The following DZIP1 variants were observed in gnomAD, a reference collection of about 807,000 sequenced individuals.
DZIP1 encodes the protein DAZ interacting zinc finger protein 1.
DZIP1 carries 97 observed loss-of-function variants against 107.6 expected under a neutral mutation model. The observed-to-expected ratio is 0.90, with a 90% CI of 0.77 to 1.07. The LOEUF (loss-of-function observed/expected upper bound fraction) is 1.07, where lower values mean the gene tolerates loss of function less well. DZIP1 is among the 50% of genes least tolerant of loss of function. The pLI, the probability that DZIP1 is intolerant of heterozygous loss-of-function variation, is 0.00. For missense variants in DZIP1, 1,035 were observed against 1,063.6 expected, an observed-to-expected ratio of 0.97 and a Z score of 0.37; for synonymous variants, 390 against 386.4, an observed-to-expected ratio of 1.01 and a Z score of -0.11.
At chr13:95,637,764 C>T (rs193114193) in intron 5 of DZIP1, among the ~76,000 whole-genome samples, 32 of 152,238 alleles carry the variant, frequency 2.1e-4, no homozygotes, top group Non-Finnish European at 2.4e-4. Flanking sequence ...AACTTCCAGC[C>T]TCCAGAACTG....
In DZIP1 at chr13:95,641,740, G is replaced by C. The variant is rs905268510; in HGVS notation, c.152C>G (p.Ala51Gly). 41 of 1,592,364 alleles carry C rather than the reference G, an allele frequency of 2.6e-5. No individual in the cohort carries two copies. The highest frequency in any genetic ancestry group is 3.4e-5 in the Non-Finnish European group (40 of 1,175,126). ...ASMACAPPSA[A>G]SGPLPFFQFR... is the part of the protein sequence containing the mutation. ...CTGGAAGAAGGGCAGGGGCCCCGAA[G>C]CCGCGCTGGGGGGCGCACAGGCCAT... Residue 51 changes from alanine to glycine, a missense_variant, in exon 5 of 23, where the codon GCT (alanine) becomes GGT (glycine). By Grantham distance (60) the Ala-to-Gly change is moderately conservative. Coordinates refer to ENST00000376829, the MANE Select transcript of DZIP1 (RefSeq NM_198968.4). This position sits in a 1 kb window ranked among gnomAD's most constrained non-coding sequence, Gnocchi z 4.3.
intron 9 of DZIP1, among the ~76,000 whole-genome samples, chr13:95,621,334 C>A (rs1181228175): frequency 2.0e-5 from 3 of 152,126 alleles, no homozygotes; most frequent in African/African-American, 7.2e-5. Context: ...ATCCGAAGGA[C>A]CCTGCGTGCT....
intron 13 of DZIP1, among the ~76,000 whole-genome samples, chr13:95,609,242 C>G (rs539930425): frequency 3.3e-4 from 51 of 152,306 alleles, no homozygotes; most frequent in Admixed American, 1.0e-3. Context: ...GAAATAATAG[C>G]TATAGCTAAT....
At chr13:95,627,719 G>A (rs140218529) in intron 7 of DZIP1, among the ~76,000 whole-genome samples, 1 of 152,340 alleles carries the variant, frequency 6.6e-6, no homozygotes, top group South Asian at 2.1e-4. Flanking sequence ...GTGGAAGACA[G>A]TTTGGTGGTT....
In DZIP1 at chr13:95,613,525, G is replaced by C. The variant is rs118139513; in HGVS notation, c.1174-1348C>G. ...AGATTCCGTCTCAAAAAAAAAAAAG[G>C]CTTCATAATTGGGGTGAAGAACATT... On this transcript the variant is annotated intron_variant, in intron 10 of 22. Coordinates refer to ENST00000376829, the MANE Select transcript of DZIP1 (RefSeq NM_198968.4). 9.4e-3 allele frequency among the ~76,000 whole-genome samples: 1,420 copies of C among 150,538 alleles called. 23 individuals carry two copies. Among genetic ancestry groups the C allele is most frequent in the African/African-American group, 0.033 (1,330 of 40,732 alleles).
chr13:95,640,894 T>C (rs1483300773), intron 5 of DZIP1, among the ~76,000 whole-genome samples: 1 of 152,182 alleles, frequency 6.6e-6, no homozygotes, highest in Admixed American at 6.5e-5. Context: ...TTTCTGTCAG[T>C]TTGAAAGTAT....
At chr13:95,628,202 T>C (rs953891160) in intron 7 of DZIP1, among the ~76,000 whole-genome samples, 2 of 152,024 alleles carry the variant, frequency 1.3e-5, no homozygotes, top group East Asian at 1.9e-4. Context: ...GCCACCACAC[T>C]TAGCTAATTT....
chr13:95,583,284 A>C lies in DZIP1; in HGVS notation c.2525-971T>G, dbSNP rs545518273. Among the ~76,000 whole-genome samples, 25 of 152,002 alleles carry C rather than the reference A, an allele frequency of 1.6e-4. No individual in the cohort carries two copies. The East Asian group carries it at 4.1e-3, about 25-fold the overall frequency. ...TCTTAAAAAAAAAAAAAAAGTAATA[A>C]AATTATAAGTAGGAGTACAAAAACA... On this transcript the variant is annotated intron_variant, in intron 22 of 22. Coordinates refer to ENST00000376829, the MANE Select transcript of DZIP1 (RefSeq NM_198968.4).
At position 95,612,031 on chromosome 13, in the gene DZIP1, A is replaced by T. The variant is rs1486004656; in HGVS notation, c.1314+6T>A. ...AAGCACGGTGCCACACTGCCGCCAG[A>T]CATACCTGCTGTCTCTGAGTTATAA... On this transcript the variant is annotated splice_donor_region_variant and intron_variant, in intron 11 of 22. Coordinates refer to ENST00000376829, the MANE Select transcript of DZIP1 (RefSeq NM_198968.4). 6.2e-7 allele frequency: 1 copy of T among 1,612,838 alleles called. No individual in the cohort carries two copies. Among genetic ancestry groups the T allele is most frequent in the Non-Finnish European group, 8.5e-7 (1 of 1,179,834 alleles).
intron 5 of DZIP1, among the ~76,000 whole-genome samples, chr13:95,637,604 ATCTCTC>A (rs10539901): frequency 0.032 from 4,572 of 145,120 alleles, 168 homozygotes; most frequent in African/African-American, 0.085. Context: ...GACATTAGCG[ATCTCTC>A]TCTCTCTCTC....
rs1261325735 is a variant in DZIP1 at position 95,624,044 on chromosome 13, G to A, written c.972+724C>T. ...TCATGGGCCATTCGCCAAATCTCAC[G>A]CTAGAGTTTAAAGAGTTTTAGGAAA... On this transcript the variant is annotated intron_variant, in intron 8 of 22. Transcript: ENST00000376829. Among the ~76,000 whole-genome samples the A allele has an allele frequency of 2.6e-5, 4 of 152,156 alleles. No homozygotes were observed. The South Asian group carries it at 6.2e-4, about 24-fold the overall frequency.
In DZIP1 at chr13:95,610,111, T is replaced by TGTGTGAGAGAGAGAGA. The variant is rs368276400; in HGVS notation, c.1364-599_1364-598insTCTCTCTCTCTCACAC. Among the ~76,000 whole-genome samples, 81 of 126,756 alleles carry TGTGTGAGAGAGAGAGA rather than the reference T, an allele frequency of 6.4e-4. 1 individual carries two copies. Among genetic ancestry groups the TGTGTGAGAGAGAGAGA allele is most frequent in the African/African-American group, 2.1e-3 (71 of 34,282 alleles). 83.2% of individuals were successfully genotyped at this position (126,756 alleles called of 152,430 possible). On this transcript the variant is annotated intron_variant, in intron 12 of 22. Coordinates refer to ENST00000376829, the MANE Select transcript of DZIP1 (RefSeq NM_198968.4). Reference sequence around the variant, plus strand: ...GTGTGTGTGTGTGTGTGTGTGTGTGTGAGAGAGAGACAGAGAGAGAGAGAC... The same window carrying TGTGTGAGAGAGAGAGA: ...GTGTGTGTGTGTGTGTGTGTGTGTGTGTGTGAGAGAGAGAGAGAGAGAGAGACAGAGAGAGAGAGAC...
At chr13:95,587,467 G>A (rs1290793686) in intron 20 of DZIP1, 72 bp downstream of exon 20, 4 of 1,555,964 alleles carry the variant, frequency 2.6e-6, no homozygotes, top group Non-Finnish European at 1.7e-6. Flanking sequence ...GACTCCCAGT[G>A]CTCGGTACAC....
chr13:95,595,775 C>T (rs1186819992), intron 15 of DZIP1, among the ~76,000 whole-genome samples: 1 of 152,094 alleles, frequency 6.6e-6, no homozygotes, highest in African/African-American at 2.4e-5. Flanking sequence ...TAATGAAGGA[C>T]GTACACAGAA....
In DZIP1 at chr13:95,615,648, G is replaced by A. The variant is rs114200408; in HGVS notation, c.1174-3471C>T. On this transcript the variant is annotated intron_variant, in intron 10 of 22. Transcript: ENST00000376829. Reference sequence around the variant, plus strand: ...AGAGCATCCAAAGAAAAGATCCTGCGTCCTTACAGAAAAGCAACCACTTGA... The same window carrying A: ...AGAGCATCCAAAGAAAAGATCCTGCATCCTTACAGAAAAGCAACCACTTGA... 8.2e-3 allele frequency among the ~76,000 whole-genome samples: 1,252 copies of A among 152,308 alleles called. 17 individuals carry two copies. Among genetic ancestry groups the A allele is most frequent in the African/African-American group, 0.028 (1,176 of 41,564 alleles).
At position 95,608,802 on chromosome 13, in the gene DZIP1, G is replaced by T. The variant is rs79306007; in HGVS notation, c.1420+655C>A. ...TACACAGTGCTCTCGCAATCCCTGGGCCCATGAGCGTGGTGCTGTCTCTCT... is the reference window on the plus strand; with the variant it reads ...TACACAGTGCTCTCGCAATCCCTGGTCCCATGAGCGTGGTGCTGTCTCTCT... On this transcript the variant is annotated intron_variant, in intron 13 of 22. Transcript: ENST00000376829. Among the ~76,000 whole-genome samples, 547 of 152,222 alleles carry T rather than the reference G, an allele frequency of 3.6e-3. 2 individuals are homozygous for T. Among genetic ancestry groups the T allele is most frequent in the African/African-American group, 0.013 (523 of 41,522 alleles).
chr13:95,597,214 G>A (rs2044480439), intron 15 of DZIP1, among the ~76,000 whole-genome samples: 1 of 152,162 alleles, frequency 6.6e-6, no homozygotes, highest in African/African-American at 2.4e-5. Flanking sequence ...GACCACTCTG[G>A]GTGATGGTGG....
chr13:95,614,566 G>A (rs920110785), intron 10 of DZIP1, among the ~76,000 whole-genome samples: 17 of 152,216 alleles, frequency 1.1e-4, no homozygotes, highest in Non-Finnish European at 8.8e-5. Flanking sequence ...AGAAAGGCAC[G>A]GAAAAGAGTA....
chr13:95,639,606 A>AAAG (rs1555316231), intron 5 of DZIP1, among the ~76,000 whole-genome samples: 7 of 149,116 alleles, frequency 4.7e-5, no homozygotes, highest in Non-Finnish European at 8.9e-5. Context: ...AAAAAAAAAA[A>AAAG]AGAGAGAGAG....
Sources: allele counts gnomAD v4.1 joint callset (sites outside exome capture counted in the v4.1 genomes callset), GRCh38; gene constraint gnomAD v4.1.1; non-coding constraint Gnocchi (gnomAD v3.1); transcripts MANE v1.5; gene names NCBI Gene and HGNC (gene_info 2026-07-23, HGNC 2026-07-21).